GRIN2B: variants seen among roughly 807,000 people sequenced by gnomAD.
The protein encoded by GRIN2B is glutamate ionotropic receptor NMDA type subunit 2B.
Under a neutral mutation model 114.5 loss-of-function variants are expected in GRIN2B, and 5 were observed. The ratio of observed to expected loss-of-function variants is 0.04; its 90% CI spans 0.02 to 0.09. GRIN2B has a LOEUF of 0.09. Among genes scored for constraint, GRIN2B ranks in the 10% least tolerant of loss-of-function variants. The pLI is 1.00. For missense variants in GRIN2B, 1,108 were observed against 1,943.5 expected (o/e 0.57, Z 8.08); for synonymous variants, 787 against 745.1 (o/e 1.06, Z -0.92).
At chr12:13,868,061 G>A (rs1865854076) in intron 2 of GRIN2B, among the ~76,000 whole-genome samples, 1 of 152,136 alleles carries the variant, frequency 6.6e-6, no homozygotes, top group Admixed American at 6.5e-5. Flanking sequence ...GACATTTTGT[G>A]GCTGAAGAAG....
At chr12:13,870,514 G>T (rs546847545) in intron 2 of GRIN2B, among the ~76,000 whole-genome samples, 1 of 152,220 alleles carries the variant, frequency 6.6e-6, no homozygotes, top group South Asian at 2.1e-4. Context: ...CTCAGAGCAG[G>T]CTCAGAGCAG....
chr12:13,566,961 C>T, intron 13 of GRIN2B, 64 bp downstream of exon 13: 1 of 1,121,878 alleles, frequency 8.9e-7, no homozygotes, highest in Non-Finnish European at 1.4e-6. Flanking sequence ...GTTCTCTCTG[C>T]TTTGCACAGT....
At chr12:13,904,855 C>T (rs530747539) in intron 2 of GRIN2B, among the ~76,000 whole-genome samples, 2 of 152,162 alleles carry the variant, frequency 1.3e-5, no homozygotes, top group South Asian at 2.1e-4. Flanking sequence ...TATTCTATAA[C>T]TTCTTTTAAG....
intron 5 of GRIN2B, among the ~76,000 whole-genome samples, chr12:13,642,576 A>G (rs1269151096): frequency 6.6e-6 from 1 of 152,218 alleles, no homozygotes; most frequent in African/African-American, 2.4e-5. Context: ...TGACACTTAC[A>G]TATAAGATTA....
At chr12:13,656,694 G>GC (rs1403439772) in intron 5 of GRIN2B, among the ~76,000 whole-genome samples, 1 of 152,136 alleles carries the variant, frequency 6.6e-6, no homozygotes, top group Non-Finnish European at 1.5e-5. Flanking sequence ...TGACTGAGCT[G>GC]CCCCATCTAA....
chr12:13,764,047 G>A (rs1003012824), intron 3 of GRIN2B, among the ~76,000 whole-genome samples: 19 of 152,040 alleles, frequency 1.2e-4, no homozygotes, highest in Admixed American at 3.9e-4. Flanking sequence ...GTTTCATTGA[G>A]AGTGCAATAC....
In GRIN2B at chr12:13,550,190, T is replaced by C. The variant is rs1948392679; in HGVS notation, c.*12593A>G. ...TATTTGGAGAAGTGGTTATGGTAAA[T>C]TCTTCTGTATTCACATACCAACTAC... On this transcript the variant is annotated 3_prime_UTR_variant, in exon 14 of 14. Transcript: ENST00000609686. 1 of 152,218 alleles carries C rather than the reference T, an allele frequency of 6.6e-6. No homozygotes were observed. The highest frequency in any genetic ancestry group is 1.5e-5 in the Non-Finnish European group (1 of 68,034). 9.4% of individuals were successfully genotyped at this position (152,218 alleles called of 1,614,324 possible).
chr12:13,821,954 T>C (rs1438327516), intron 3 of GRIN2B, among the ~76,000 whole-genome samples: 1 of 152,178 alleles, frequency 6.6e-6, no homozygotes, highest in Non-Finnish European at 1.5e-5. Flanking sequence ...AAGCCTGCCA[T>C]AAATATTCTC....
chr12:13,587,662 C>T (rs1948947689), intron 10 of GRIN2B, among the ~76,000 whole-genome samples: 1 of 152,144 alleles, frequency 6.6e-6, no homozygotes. Context: ...GCTGAATTTT[C>T]AGAAGAACAA....
At chr12:13,939,527 A>G (rs867193594) in intron 2 of GRIN2B, among the ~76,000 whole-genome samples, 1 of 145,820 alleles carries the variant, frequency 6.9e-6, no homozygotes, top group Non-Finnish European at 1.5e-5. Flanking sequence ...CCAGAAAGAC[A>G]GATGCCTGCA....
chr12:13,833,095 G>C (rs575516783), intron 3 of GRIN2B, among the ~76,000 whole-genome samples: 2 of 152,300 alleles, frequency 1.3e-5, no homozygotes, highest in East Asian at 3.9e-4. Flanking sequence ...ACAGTGGTTG[G>C]AAGCTTCTTG....
At chr12:13,587,446 C>T (rs1948944168) in intron 10 of GRIN2B, among the ~76,000 whole-genome samples, 1 of 151,846 alleles carries the variant, frequency 6.6e-6, no homozygotes, top group Non-Finnish European at 1.5e-5. Flanking sequence ...AAGCCTTAAC[C>T]TGGGCTCAAG....
intron 2 of GRIN2B, among the ~76,000 whole-genome samples, chr12:13,905,197 T>C (rs112435360): frequency 2.6e-5 from 4 of 152,316 alleles, no homozygotes; most frequent in African/African-American, 9.6e-5. Flanking sequence ...CTGCCTATTT[T>C]CTCTCACCAC....
chr12:13,955,838 T>C (rs1185227438), intron 2 of GRIN2B, among the ~76,000 whole-genome samples: 2 of 152,192 alleles, frequency 1.3e-5, no homozygotes, highest in Non-Finnish European at 2.9e-5. Flanking sequence ...TGCACTTTTC[T>C]AGAGTACGTG....
rs1282169876 is a variant in GRIN2B, at chr12:13,542,154, A to G, written c.*20629T>C. ...TCCTGTCCCACTGTTTCTGTCACAA[A>G]AGAAAATACAAAATCAAAATGATCT... On this transcript the variant is annotated 3_prime_UTR_variant, in exon 14 of 14. Transcript: ENST00000609686. 6.6e-6 allele frequency: 1 copy of G among 152,210 alleles called. No individual in the cohort carries two copies. Among genetic ancestry groups the G allele is most frequent in the African/African-American group, 2.4e-5 (1 of 41,444 alleles). 9.4% of individuals were successfully genotyped at this position (152,210 alleles called of 1,614,324 possible). A position where few individuals can be genotyped will look rare whatever the true frequency, so the allele number is the denominator to read the frequency against.
At chr12:13,926,358 G>C (rs1866910787) in intron 2 of GRIN2B, among the ~76,000 whole-genome samples, 1 of 152,080 alleles carries the variant, frequency 6.6e-6, no homozygotes, top group South Asian at 2.1e-4. Context: ...ATCGACCCTT[G>C]CCTGGTGTGT....
At chr12:13,978,272 G>T (rs879228309) in intron 2 of GRIN2B, among the ~76,000 whole-genome samples, 2 of 152,154 alleles carry the variant, frequency 1.3e-5, no homozygotes, top group African/African-American at 4.8e-5. Flanking sequence ...GGAAGCAGAT[G>T]GAGAATGAGT....
chr12:13,558,392 G>C lies in GRIN2B; in HGVS notation c.*4391C>G, dbSNP rs767229156. On this transcript the variant is annotated 3_prime_UTR_variant, in exon 14 of 14. Coordinates refer to ENST00000609686, the MANE Select transcript of GRIN2B (RefSeq NM_000834.5). ...GATTGAAAGAATAAAGTGAGTTCTG[G>C]AATAGTTTTTCCAAAAGCTTATTGC... The C allele has an allele frequency of 2.7e-5, 4 of 150,522 alleles. No homozygotes were observed. The highest frequency in any genetic ancestry group is 4.4e-5 in the Non-Finnish European group (3 of 67,798). 9.3% of individuals were successfully genotyped at this position (150,522 alleles called of 1,614,324 possible).
At chr12:13,683,365 A>T (rs1366331470) in intron 4 of GRIN2B, among the ~76,000 whole-genome samples, 1 of 152,120 alleles carries the variant, frequency 6.6e-6, no homozygotes, top group Non-Finnish European at 1.5e-5. Flanking sequence ...ACAAGGGCAC[A>T]GTTCTTAAAC....
Sources: gnomAD v4.1 joint callset for allele counts (sites outside exome capture counted in the v4.1 genomes callset) on GRCh38, gnomAD v4.1.1 for gene constraint, MANE v1.5 for transcripts, NCBI Gene and HGNC (gene_info 2026-07-23, HGNC 2026-07-21) for gene names.